IQGAP1: variants seen among roughly 807,000 people sequenced by gnomAD.
The protein encoded by IQGAP1 is IQ motif containing GTPase activating protein 1.
A neutral mutation model predicts 215.6 loss-of-function variants in IQGAP1; 66 were observed. That is an observed-to-expected ratio of 0.31 (90% CI 0.25 to 0.38). The LOEUF is 0.38. Among genes scored for constraint, IQGAP1 ranks in the 10% least tolerant of loss-of-function variants. The pLI is 1.00. For missense variants in IQGAP1, 1,712 were observed against 1,997.1 expected (o/e 0.86, Z 2.72); for synonymous variants, 772 against 728.7 (o/e 1.06, Z -0.96).
In IQGAP1 at chr15:90,388,280, T is replaced by C. The variant is rs1251691684; in HGVS notation, c.-62T>C. Reference sequence around the variant, plus strand: ...CCGCGCACTTGGCAGGAGCTGTAGCTACCGCCGTCCGCGCCTCCAAGGTTT... The same window carrying C: ...CCGCGCACTTGGCAGGAGCTGTAGCCACCGCCGTCCGCGCCTCCAAGGTTT... On this transcript the variant is annotated 5_prime_UTR_variant, in exon 1 of 38. Transcript: ENST00000268182. 1.9e-6 allele frequency: 3 copies of C among 1,571,492 alleles called. No homozygotes were observed. The Admixed American group carries it at 5.1e-5, about 27-fold the overall frequency.
At chr15:90,497,383 T>C (rs748826495) in intron 37 of IQGAP1, 43 bp downstream of exon 37, 1 of 954,792 alleles carries the variant, frequency 1.0e-6, no homozygotes, top group Admixed American at 1.9e-5. Flanking sequence ...CTGGATGAGA[T>C]TCTTGTCCAA....
At chr15:90,497,633 A>G (rs138705038) in intron 37 of IQGAP1, among the ~76,000 whole-genome samples, 176 of 152,354 alleles carry the variant, frequency 1.2e-3, no homozygotes, top group Middle Eastern at 6.8e-3. Context: ...AGAAGTACAC[A>G]TGCTGACACT....
At chr15:90,418,403 A>G (rs898160029) in intron 2 of IQGAP1, among the ~76,000 whole-genome samples, 1 of 151,634 alleles carries the variant, frequency 6.6e-6, no homozygotes, top group East Asian at 2.0e-4. Context: ...CCTGAGTAAC[A>G]TAGGGAGTTG....
chr15:90,498,787 A>C (rs1243954370), intron 37 of IQGAP1, among the ~76,000 whole-genome samples: 1 of 149,746 alleles, frequency 6.7e-6, no homozygotes, highest in African/African-American at 2.5e-5. Flanking sequence ...GGCTGGGATT[A>C]CAGGCGCACA....
rs1214154350 is a variant in IQGAP1 at position 90,477,652 on chromosome 15, T to C, written c.3105-13T>C. 2 of 1,573,262 alleles carry C rather than the reference T, an allele frequency of 1.3e-6. No individual in the cohort carries two copies. The highest frequency in any genetic ancestry group is 1.7e-6 in the Non-Finnish European group (2 of 1,143,548). Reference sequence around the variant, plus strand: ...TTTGTGACAAGTTTAAATTTTTATCTGATGTTTTATAGGTCGAAGGTAGAT... The same window carrying C: ...TTTGTGACAAGTTTAAATTTTTATCCGATGTTTTATAGGTCGAAGGTAGAT... On this transcript the variant is annotated splice_polypyrimidine_tract_variant and intron_variant, in intron 25 of 37. Coordinates refer to ENST00000268182, the MANE Select transcript of IQGAP1 (RefSeq NM_003870.4).
At chr15:90,459,756 C>G (rs767080841) in intron 15 of IQGAP1, among the ~76,000 whole-genome samples, 21 of 152,074 alleles carry the variant, frequency 1.4e-4, no homozygotes, top group Non-Finnish European at 2.9e-4. Context: ...GCATCTAAGT[C>G]TCCATCAGCC....
In IQGAP1 at chr15:90,501,453, T is replaced by G. The variant is rs1048872613; in HGVS notation, c.*1345T>G. ...ATCATGCTGCTGAGCCTCTATTTTC[T>G]TTCTTTGATGTTTTGATTCAGTATT... On this transcript the variant is annotated 3_prime_UTR_variant, in exon 38 of 38. Coordinates refer to ENST00000268182, the MANE Select transcript of IQGAP1 (RefSeq NM_003870.4). 3.3e-5 allele frequency: 5 copies of G among 152,182 alleles called. No homozygotes were observed. Among genetic ancestry groups the G allele is most frequent in the Non-Finnish European group, 5.9e-5 (4 of 68,032 alleles). The allele number at this position is 152,182 out of a possible 1,614,324, so 9.4% of individuals were successfully genotyped here.
At chr15:90,459,928 A>G (rs1965737671) in intron 15 of IQGAP1, among the ~76,000 whole-genome samples, 1 of 152,112 alleles carries the variant, frequency 6.6e-6, no homozygotes, top group South Asian at 2.1e-4. Flanking sequence ...TGTTCCTTTT[A>G]TATTTTCAAA....
intron 2 of IQGAP1, among the ~76,000 whole-genome samples, chr15:90,422,852 C>T (rs62020696): frequency 0.18 from 27,550 of 151,168 alleles, 2,627 homozygotes; most frequent in South Asian, 0.22. Flanking sequence ...TGTGCCACCA[C>T]GCCTGGCTAA....
rs149182787 is a variant in IQGAP1, at chr15:90,441,671, A to G, written c.815A>G (p.Asn272Ser). The G allele has an allele frequency of 2.5e-6, 4 of 1,605,210 alleles. No homozygotes were observed. The highest frequency in any genetic ancestry group is 2.6e-6 in the Non-Finnish European group (3 of 1,175,806). Residue 272 changes from asparagine (N) to serine (S), a missense_variant, in exon 8 of 38, where the codon AAT becomes AGT. Coordinates refer to ENST00000268182, the MANE Select transcript of IQGAP1 (RefSeq NM_003870.4). ...LYQAKQDKMT[N>S]AKNRTENSER... ...CAGGCTAAGCAGGACAAAATGACAA[A>G]TGCTAAAAACAGGGTAAAAATGCAA...
At chr15:90,461,115 T>C (rs952825102) in intron 15 of IQGAP1, among the ~76,000 whole-genome samples, 1 of 151,688 alleles carries the variant, frequency 6.6e-6, no homozygotes, top group African/African-American at 2.4e-5. Flanking sequence ...GAGACCAGCC[T>C]GGCCAACATG....
chr15:90,429,238 A>T (rs575633224), intron 3 of IQGAP1, among the ~76,000 whole-genome samples: 15 of 152,340 alleles, frequency 9.8e-5, no homozygotes, highest in African/African-American at 2.9e-4. Flanking sequence ...CTTAGTTTTT[A>T]TACATACAAA....
chr15:90,490,556 C>T (rs149656975), intron 33 of IQGAP1, among the ~76,000 whole-genome samples: 35 of 152,238 alleles, frequency 2.3e-4, no homozygotes, highest in African/African-American at 7.5e-4. Context: ...AGGCAAGGCT[C>T]GAGCATGATT....
intron 19 of IQGAP1, 48 bp downstream of exon 19, chr15:90,473,058 G>A (rs1965927803): frequency 1.3e-6 from 2 of 1,566,072 alleles, no homozygotes; most frequent in South Asian, 2.3e-5. Context: ...TCTAGAGCAG[G>A]GGTAATAAAC....
At chr15:90,416,341 T>G (rs976906449) in intron 2 of IQGAP1, among the ~76,000 whole-genome samples, 1 of 152,206 alleles carries the variant, frequency 6.6e-6, no homozygotes. Flanking sequence ...TCTTTGCTAT[T>G]GTGAATGGTG....
chr15:90,451,228 C>T (rs1420100704), intron 11 of IQGAP1, among the ~76,000 whole-genome samples: 1 of 152,142 alleles, frequency 6.6e-6, no homozygotes, highest in African/African-American at 2.4e-5. Flanking sequence ...GACTGTCTGT[C>T]TCAGCCCATT....
intron 8 of IQGAP1, among the ~76,000 whole-genome samples, chr15:90,442,431 C>A (rs1312324556): frequency 6.8e-6 from 1 of 147,224 alleles, no homozygotes; most frequent in African/African-American, 2.5e-5. Context: ...GGAGACAGGG[C>A]GAGACTCCGT....
At chr15:90,440,364 T>C in intron 6 of IQGAP1, 138 bp from the exon 7 acceptor site, 1 of 611,508 alleles carries the variant, frequency 1.6e-6, no homozygotes, top group Non-Finnish European at 2.9e-6. Flanking sequence ...TTTCCATACA[T>C]TGTATCTTTA....
In IQGAP1 at chr15:90,456,190, G is replaced by A. The variant is rs750848093; in HGVS notation, c.1651G>A (p.Glu551Lys). 27 of 1,613,984 alleles carry A rather than the reference G, an allele frequency of 1.7e-5. No individual in the cohort carries two copies. Among genetic ancestry groups the A allele is most frequent in the Non-Finnish European group, 2.2e-5 (26 of 1,179,996 alleles). Residue 551 changes from glutamate to lysine, a missense_variant, in exon 15 of 38, where the codon GAA (glutamate) becomes AAA (lysine). By Grantham distance (56) the Glu-to-Lys change is moderately conservative. This residue lies in a region of IQGAP1 where 1,021 missense variants were observed against 1,074.2 expected (regional missense o/e 0.95). Coordinates refer to ENST00000268182, the MANE Select transcript of IQGAP1 (RefSeq NM_003870.4). ...AIGLINEALD[E>K]GDAQKTLQAL... ...TGGTTTAATTAATGAAGCCCTGGAT[G>A]AAGGTGATGCCCAAAAGACTCTGCA...
Sources: allele counts gnomAD v4.1 joint callset (sites outside exome capture counted in the v4.1 genomes callset), GRCh38; gene constraint gnomAD v4.1.1; regional missense constraint gnomAD v4.1.1; transcripts MANE v1.5; gene names NCBI Gene and HGNC (gene_info 2026-07-23, HGNC 2026-07-21).